The following KIAA1549 variants were observed in gnomAD, a reference collection of about 807,000 sequenced individuals.
KIAA1549 encodes UPF0606 protein KIAA1549.
A neutral mutation model predicts 156.4 loss-of-function variants in KIAA1549; 70 were observed. The ratio of observed to expected loss-of-function variants is 0.45; its 90% CI spans 0.37 to 0.55. KIAA1549 has a LOEUF of 0.55. Ranked by LOEUF, KIAA1549 falls within the 20% of genes least tolerant of loss-of-function variation. The pLI is 0.00. For synonymous variants in KIAA1549, 1,103 were observed against 1,066.4 expected (o/e 1.03, Z -0.67); for missense variants, 2,428 against 2,540.9 (o/e 0.96, Z 0.96).
intron 1 of KIAA1549, among the ~76,000 whole-genome samples, chr7:138,931,044 C>T (rs964049115): frequency 6.6e-6 from 1 of 152,086 alleles, no homozygotes; most frequent in Non-Finnish European, 1.5e-5. Flanking sequence ...AGATGGGGAG[C>T]CCTCAGGAGA....
chr7:138,850,058 A>C (rs1210078846), intron 17 of KIAA1549, among the ~76,000 whole-genome samples: 2 of 152,146 alleles, frequency 1.3e-5, no homozygotes, highest in Non-Finnish European at 2.9e-5. Context: ...CGAACAATTT[A>C]TATTCCTTTG....
intron 12 of KIAA1549, among the ~76,000 whole-genome samples, chr7:138,872,146 GA>G (rs1810954332): frequency 6.6e-6 from 1 of 151,928 alleles, no homozygotes; most frequent in South Asian, 2.1e-4. Context: ...AAGGTTTCAC[GA>G]TATTGTCCAA....
chr7:138,883,089 T>TAAAAA (rs1201752539), intron 10 of KIAA1549, among the ~76,000 whole-genome samples: 1,211 of 47,070 alleles, frequency 0.026, 505 homozygotes, highest in African/African-American at 0.051. Flanking sequence ...CCATCTCCCC[T>TAAAAA]AAAAAAAAAA....
At chr7:138,901,232 A>C (rs1308750757) in intron 8 of KIAA1549, among the ~76,000 whole-genome samples, 1 of 152,062 alleles carries the variant, frequency 6.6e-6, no homozygotes, top group East Asian at 1.9e-4. Flanking sequence ...CACTGTAAAC[A>C]TTTTAGCATT....
chr7:138,951,291 G>A (rs903440824), intron 1 of KIAA1549, among the ~76,000 whole-genome samples: 6 of 152,076 alleles, frequency 3.9e-5, no homozygotes, highest in South Asian at 4.1e-4. Flanking sequence ...CAGGGTTCAC[G>A]GACACTTCCC....
At chr7:138,897,224 A>AT (rs60951425) in intron 9 of KIAA1549, among the ~76,000 whole-genome samples, 3 of 152,324 alleles carry the variant, frequency 2.0e-5, no homozygotes, top group Admixed American at 6.5e-5. Context: ...TGCTTTTGCT[A>AT]TTTTTTGCTC....
chr7:138,961,571 C>T (rs675396), intron 1 of KIAA1549, among the ~76,000 whole-genome samples: 38,502 of 152,066 alleles, frequency 0.25, 5,225 homozygotes, highest in African/African-American at 0.36. Context: ...CAGCTTCCTG[C>T]TCTATTCCTT....
chr7:138,913,962 G>C (rs1047605214), intron 2 of KIAA1549, among the ~76,000 whole-genome samples: 1 of 150,570 alleles, frequency 6.6e-6, no homozygotes, highest in African/African-American at 2.4e-5. Flanking sequence ...CAGGAAGGAG[G>C]AGGGGACAGA....
At chr7:138,897,624 T>C (rs890863407) in intron 9 of KIAA1549, among the ~76,000 whole-genome samples, 1 of 151,984 alleles carries the variant, frequency 6.6e-6, no homozygotes, top group Non-Finnish European at 1.5e-5. Flanking sequence ...AGAGGTGTGG[T>C]GGCTCATGGT....
chr7:138,899,158 A>G (rs768046973), intron 8 of KIAA1549, 26 bp from the exon 9 acceptor site: 7 of 1,607,078 alleles, frequency 4.4e-6, no homozygotes, highest in South Asian at 2.2e-5. Flanking sequence ...AACCATTCAC[A>G]TTGCAGAAGC....
intron 1 of KIAA1549, among the ~76,000 whole-genome samples, chr7:138,975,836 C>G (rs1814361699): frequency 6.6e-6 from 1 of 152,178 alleles, no homozygotes; most frequent in South Asian, 2.1e-4. Context: ...CTCTATCATT[C>G]AGGGCACTGA....
intron 10 of KIAA1549, 107 bp from the exon 11 acceptor site, chr7:138,881,691 T>A: frequency 1.1e-6 from 1 of 931,064 alleles, no homozygotes; most frequent in Non-Finnish European, 1.6e-6. Flanking sequence ...ACAACTCCAA[T>A]CCAACAAGCA....
At chr7:138,855,892 G>C (rs1050573660) in intron 16 of KIAA1549, among the ~76,000 whole-genome samples, 2 of 151,938 alleles carry the variant, frequency 1.3e-5, no homozygotes, top group African/African-American at 2.4e-5. Flanking sequence ...TCTGCTCTGA[G>C]GATAAAAACC....
chr7:138,945,648 C>T (rs1409993146), intron 1 of KIAA1549, among the ~76,000 whole-genome samples: 1 of 152,146 alleles, frequency 6.6e-6, no homozygotes, highest in Non-Finnish European at 1.5e-5. Context: ...TGCCATCCTG[C>T]CCAAGACTGT....
chr7:138,838,043 G>A lies in KIAA1549; in HGVS notation c.5716C>T (p.Pro1906Ser). 1.2e-6 allele frequency: 2 copies of A among 1,604,276 alleles called. No individual in the cohort carries two copies. The highest frequency in any genetic ancestry group is 1.7e-6 in the Non-Finnish European group (2 of 1,175,694). The change falls in exon 20 of 20, where the codon CCT becomes TCT. Residue 1906 changes from proline (P) to serine (S), a missense_variant. Pro to Ser is a moderately conservative substitution (Grantham distance 74). This residue lies in a region of KIAA1549 where 363 missense variants were observed against 354.0 expected (regional missense o/e 1.03). Coordinates refer to ENST00000422774, the MANE Select transcript of KIAA1549 (RefSeq NM_001164665.2). ...GAGCTGGTGGGGTAACCCAGCCCAG[G>A]GCCCTGCAGTCCCCGGTGGGGGAGG... Reference protein sequence around the residue: ...GNLPHRGLQGPGLGYPTSSTE... With the variant: ...GNLPHRGLQGSGLGYPTSSTE...
chr7:138,901,468 G>C (rs1213272327), intron 8 of KIAA1549, among the ~76,000 whole-genome samples: 1 of 151,948 alleles, frequency 6.6e-6, no homozygotes. Context: ...TGGGATTACA[G>C]GCACACACCA....
intron 1 of KIAA1549, among the ~76,000 whole-genome samples, chr7:138,923,648 T>C (rs1052313068): frequency 2.0e-5 from 3 of 152,122 alleles, no homozygotes; most frequent in Admixed American, 1.3e-4. Context: ...AAACAAATAC[T>C]GATGGTATAA....
At chr7:138,870,689 C>G (rs184303434) in intron 13 of KIAA1549, among the ~76,000 whole-genome samples, 21 of 152,344 alleles carry the variant, frequency 1.4e-4, no homozygotes, top group South Asian at 8.3e-4. Context: ...TGCACAGTAT[C>G]TGATCTCCAA....
At chr7:138,874,175 T>C (rs890379374) in intron 12 of KIAA1549, among the ~76,000 whole-genome samples, 9 of 151,186 alleles carry the variant, frequency 6.0e-5, no homozygotes, top group Non-Finnish European at 1.2e-4. Flanking sequence ...TAATGATTAG[T>C]ACAAAGCACA....
Sources: allele counts gnomAD v4.1 joint callset (sites outside exome capture counted in the v4.1 genomes callset), GRCh38; gene constraint gnomAD v4.1.1; regional missense constraint gnomAD v4.1.1; transcripts MANE v1.5; gene names NCBI Gene and HGNC (gene_info 2026-07-23, HGNC 2026-07-21).